SNAP91: variants seen among roughly 807,000 people sequenced by gnomAD.
The protein encoded by SNAP91 is synaptosome associated protein 91, also known as clathrin coat assembly protein AP180.
In SNAP91, 27 loss-of-function variants were observed where a neutral mutation model predicts 100.3. The ratio of observed to expected loss-of-function variants is 0.27; its 90% CI spans 0.20 to 0.37. The LOEUF (loss-of-function observed/expected upper bound fraction) is 0.37, where lower values mean the gene tolerates loss of function less well. Ranked by LOEUF, SNAP91 falls within the 10% of genes least tolerant of loss-of-function variation. The probability of loss-of-function intolerance (pLI) is 1.00; values close to 1 mark genes in which losing one functional copy is unlikely to be tolerated. For synonymous variants in SNAP91, 404 were observed against 398.6 expected (o/e 1.01, Z -0.16); for missense variants, 986 against 1,123.7 (o/e 0.88, Z 1.75).
chr6:83,665,428 A>G lies in SNAP91; in HGVS notation c.273+11T>C. ...TCCTCCATCAAAAAAAGAAAAGTTT[A>G]CTTAGTTTACCTCATTTCCATGCAC... On this transcript the variant is annotated intron_variant, in intron 3 of 29. Transcript: ENST00000369694. 1 of 1,606,844 alleles carries G rather than the reference A, an allele frequency of 6.2e-7. No individual in the cohort carries two copies. Among genetic ancestry groups the G allele is most frequent in the Non-Finnish European group, 8.5e-7 (1 of 1,177,068 alleles).
intron 8 of SNAP91, among the ~76,000 whole-genome samples, chr6:83,626,346 T>C (rs1325178302): frequency 6.6e-6 from 1 of 152,132 alleles, no homozygotes; most frequent in Non-Finnish European, 1.5e-5. Context: ...ATTCCACCTC[T>C]TTTTTGGCTT....
At chr6:83,612,020 C>T (rs184237375) in intron 11 of SNAP91, among the ~76,000 whole-genome samples, 1 of 151,820 alleles carries the variant, frequency 6.6e-6, no homozygotes, top group Non-Finnish European at 1.5e-5. Flanking sequence ...CGCGCCAGGC[C>T]CAAGTTAATA....
chr6:83,575,511 G>T (rs534469258), intron 25 of SNAP91: 4 of 248,316 alleles, frequency 1.6e-5, no homozygotes, highest in African/African-American at 9.4e-5. Context: ...ATCTTAGAGG[G>T]TTCAGCAGAA....
At chr6:83,619,556 G>A (rs560415628) in intron 9 of SNAP91, among the ~76,000 whole-genome samples, 3 of 152,202 alleles carry the variant, frequency 2.0e-5, no homozygotes, top group African/African-American at 7.2e-5. Flanking sequence ...CCAATCAGAT[G>A]GGAACACCAA....
intron 2 of SNAP91, among the ~76,000 whole-genome samples, chr6:83,669,002 A>C (rs2098736682): frequency 6.6e-6 from 1 of 152,068 alleles, no homozygotes; most frequent in South Asian, 2.1e-4. Context: ...CACTGACATT[A>C]GCCTATAGTT....
chr6:83,607,899 C>A, intron 12 of SNAP91, 91 bp from the exon 13 acceptor site: 1 of 560,292 alleles, frequency 1.8e-6, no homozygotes, highest in Non-Finnish European at 2.9e-6. Flanking sequence ...CCATGACATG[C>A]CCAGCAATTT....
At chr6:83,706,351 A>ATATATAT in intron 2 of SNAP91, among the ~76,000 whole-genome samples, 5 of 152,258 alleles carry the variant, frequency 3.3e-5, no homozygotes, top group Admixed American at 3.3e-4. Context: ...ATGCTGCAGC[A>ATATATAT]AAGTGATCTG....
intron 6 of SNAP91, 54 bp from the exon 7 acceptor site, chr6:83,656,919 T>C (rs1409470048): frequency 1.3e-6 from 1 of 762,390 alleles, no homozygotes; most frequent in African/African-American, 1.8e-5. Context: ...TCTTAATTTT[T>C]CTTGAATCAC....
At chr6:83,674,111 T>C (rs2098826809) in intron 2 of SNAP91, among the ~76,000 whole-genome samples, 1 of 152,188 alleles carries the variant, frequency 6.6e-6, no homozygotes. Context: ...GGAAGTACCC[T>C]TGCTGGGAAC....
rs575323527 is a variant in SNAP91, at chr6:83,614,545, G to A, written c.884+312C>T. Among the ~76,000 whole-genome samples the A allele has an allele frequency of 8.7e-4, 132 of 152,138 alleles. 1 individual carries two copies. The Middle Eastern group carries it at 0.021, about 24-fold the overall frequency. ...TTTTCGCATTTATGCTATAAGCCATGGGGAAGTCTTTTGTTTACTAAACAA... is the reference window on the plus strand; with the variant it reads ...TTTTCGCATTTATGCTATAAGCCATAGGGAAGTCTTTTGTTTACTAAACAA... On this transcript the variant is annotated intron_variant, in intron 11 of 29. Transcript: ENST00000369694.
At chr6:83,677,265 A>G (rs1265310649) in intron 2 of SNAP91, among the ~76,000 whole-genome samples, 1 of 152,184 alleles carries the variant, frequency 6.6e-6, no homozygotes, top group Non-Finnish European at 1.5e-5. Context: ...TCATTTCAGA[A>G]TCACTGGCAA....
chr6:83,677,051 G>C (rs1200222115), intron 2 of SNAP91, among the ~76,000 whole-genome samples: 2 of 152,108 alleles, frequency 1.3e-5, no homozygotes, highest in Non-Finnish European at 2.9e-5. Context: ...TCTGGAAAAA[G>C]GAAAGAAAAA....
chr6:83,600,309 A>T (rs1168848288), intron 16 of SNAP91, among the ~76,000 whole-genome samples: 1 of 152,176 alleles, frequency 6.6e-6, no homozygotes. Context: ...ACAGTGTGTT[A>T]AATGTATGTT....
chr6:83,690,817 T>A (rs1159656511), intron 2 of SNAP91, among the ~76,000 whole-genome samples: 1 of 152,204 alleles, frequency 6.6e-6, no homozygotes, highest in South Asian at 2.1e-4. Flanking sequence ...GAAAGGCATA[T>A]TTTTAAGGAC....
At chr6:83,622,967 C>T (rs2096789666) in intron 9 of SNAP91, among the ~76,000 whole-genome samples, 1 of 151,998 alleles carries the variant, frequency 6.6e-6, no homozygotes, top group Non-Finnish European at 1.5e-5. Context: ...GATTATCAGG[C>T]CTAGAAATAG....
At chr6:83,643,815 A>G (rs2097804442) in intron 7 of SNAP91, among the ~76,000 whole-genome samples, 1 of 152,180 alleles carries the variant, frequency 6.6e-6, no homozygotes, top group African/African-American at 2.4e-5. Flanking sequence ...GGGAAGCAAA[A>G]AGATCAAGAA....
intron 17 of SNAP91, 139 bp downstream of exon 17, chr6:83,594,235 C>T: frequency 1.5e-6 from 1 of 670,714 alleles, no homozygotes; most frequent in South Asian, 1.8e-5. Flanking sequence ...TAAATGCTGG[C>T]ATTATTTATT....
intron 2 of SNAP91, among the ~76,000 whole-genome samples, chr6:83,673,870 C>T (rs2098823370): frequency 6.6e-6 from 1 of 152,156 alleles, no homozygotes; most frequent in African/African-American, 2.4e-5. Context: ...TGGGAAGACT[C>T]TTTCTTTCAT....
intron 22 of SNAP91, among the ~76,000 whole-genome samples, chr6:83,590,478 CT>C (rs2093582947): frequency 6.6e-6 from 1 of 151,880 alleles, no homozygotes; most frequent in Admixed American, 6.6e-5. Context: ...CTGTACCAAT[CT>C]ATTTCACACT....
Sources: gnomAD v4.1 joint callset for allele counts (sites outside exome capture counted in the v4.1 genomes callset) on GRCh38, gnomAD v4.1.1 for gene constraint, MANE v1.5 for transcripts, NCBI Gene and HGNC (gene_info 2026-07-23, HGNC 2026-07-21) for gene names.